FHIP1A: variants seen among roughly 807,000 people sequenced by gnomAD.
FHIP1A encodes the protein FHF complex subunit HOOK interacting protein 1A, also known as FHF complex subunit HOOK-interacting protein 1A.
A neutral mutation model predicts 88.6 loss-of-function variants in FHIP1A; 61 were observed. The ratio of observed to expected loss-of-function variants is 0.69; its 90% CI spans 0.56 to 0.85. The LOEUF is 0.85. FHIP1A is among the 40% of genes least tolerant of loss of function. The probability of loss-of-function intolerance (pLI) is 0.00; values close to 1 mark genes in which losing one functional copy is unlikely to be tolerated. For synonymous variants in FHIP1A, 478 were observed against 496.0 expected (o/e 0.96, Z 0.48); for missense variants, 1,154 against 1,273.5 (o/e 0.91, Z 1.43).
chr4:151,546,897 T>A (rs992907363), intron 3 of FHIP1A, among the ~76,000 whole-genome samples: 1 of 152,136 alleles, frequency 6.6e-6, no homozygotes, highest in Non-Finnish European at 1.5e-5. Flanking sequence ...CCTCAAGAGG[T>A]AGGGGGAGAT....
intron 2 of FHIP1A, among the ~76,000 whole-genome samples, chr4:151,471,586 A>T (rs1459363760): frequency 6.6e-6 from 1 of 152,100 alleles, no homozygotes; most frequent in Non-Finnish European, 1.5e-5. Flanking sequence ...AGTGCTCACA[A>T]TATGGTAAAC....
At chr4:151,454,362 T>C (rs546260686) in intron 1 of FHIP1A, among the ~76,000 whole-genome samples, 2 of 152,296 alleles carry the variant, frequency 1.3e-5, no homozygotes, top group East Asian at 1.9e-4. Flanking sequence ...ACTGTTCCTA[T>C]AGGTAACTTT....
chr4:151,537,077 C>T (rs1476180612), intron 3 of FHIP1A, among the ~76,000 whole-genome samples: 1 of 151,900 alleles, frequency 6.6e-6, no homozygotes, highest in Non-Finnish European at 1.5e-5. Flanking sequence ...AGAGTTTCAC[C>T]ATTTTGCCCA....
At chr4:151,548,605 A>C (rs982957735) in intron 3 of FHIP1A, among the ~76,000 whole-genome samples, 1 of 152,202 alleles carries the variant, frequency 6.6e-6, no homozygotes, top group Non-Finnish European at 1.5e-5. Flanking sequence ...GACAGTTTGC[A>C]AATGAAATGG....
chr4:151,626,180 G>T (rs1481847995), intron 7 of FHIP1A, among the ~76,000 whole-genome samples: 2 of 152,172 alleles, frequency 1.3e-5, no homozygotes, highest in Non-Finnish European at 2.9e-5. Context: ...CTTACTACAT[G>T]CAGGGCACTC....
intron 3 of FHIP1A, among the ~76,000 whole-genome samples, chr4:151,496,769 C>T (rs1171975879): frequency 7.0e-6 from 1 of 143,258 alleles, no homozygotes; most frequent in Non-Finnish European, 1.5e-5. Flanking sequence ...ACCATGTTGC[C>T]CAGGCTGGTT....
chr4:151,546,706 G>A (rs1199758619), intron 3 of FHIP1A, among the ~76,000 whole-genome samples: 2 of 152,170 alleles, frequency 1.3e-5, no homozygotes, highest in Non-Finnish European at 2.9e-5. Flanking sequence ...TACTGTGATT[G>A]GATCTGGAAA....
intron 3 of FHIP1A, among the ~76,000 whole-genome samples, chr4:151,506,693 T>C (rs1730848957): frequency 6.6e-6 from 1 of 152,148 alleles, no homozygotes; most frequent in Non-Finnish European, 1.5e-5. Flanking sequence ...ACCAAGCCCT[T>C]CATCAAGGAT....
In FHIP1A at chr4:151,476,444, T is replaced by C. The variant is rs1729709493; in HGVS notation, c.-247-6080T>C. On this transcript the variant is annotated intron_variant, in intron 2 of 13. Coordinates refer to ENST00000435205, the MANE Select transcript of FHIP1A (RefSeq NM_001109977.3). ...GATTACAGTTGTGAGCCATTGCACC[T>C]GGACCTATTATTGATTTTATAAAAA... Among the ~76,000 whole-genome samples, 6 of 152,138 alleles carry C rather than the reference T, an allele frequency of 3.9e-5. No homozygotes were observed. In the South Asian group the frequency reaches 1.2e-3, roughly 32 times the overall value.
At chr4:151,641,972 T>C (rs1399819700) in intron 9 of FHIP1A, among the ~76,000 whole-genome samples, 2 of 152,246 alleles carry the variant, frequency 1.3e-5, no homozygotes, top group Non-Finnish European at 2.9e-5. Context: ...TGACTGTATG[T>C]CAATTTTTAT....
Position 151,600,492 on chromosome 4 carries a change from T to C in FHIP1A, c.978+11566T>C, listed in dbSNP as rs563684178. Among the ~76,000 whole-genome samples, 5 of 152,318 alleles carry C rather than the reference T, an allele frequency of 3.3e-5. No individual in the cohort carries two copies. The South Asian group carries it at 6.2e-4, about 19-fold the overall frequency. The stretch of plus-strand genomic sequence containing the variant: ...TGGGTAGTGAGGGGAGCTTAGTAAG[T>C]GGACTGGTTACAACAGTGTGTTGTT... On this transcript the variant is annotated intron_variant, in intron 7 of 13. Transcript: ENST00000435205.
chr4:151,440,497 T>C (rs1000804861), intron 1 of FHIP1A, among the ~76,000 whole-genome samples: 52 of 152,310 alleles, frequency 3.4e-4, no homozygotes, highest in African/African-American at 1.2e-3. Context: ...CTATCTTTCA[T>C]GATTTTTCTT....
At chr4:151,655,947 G>GT (rs542900146) in intron 11 of FHIP1A, among the ~76,000 whole-genome samples, 22 of 150,860 alleles carry the variant, frequency 1.5e-4, no homozygotes, top group Middle Eastern at 3.4e-3. Context: ...TAAATTATTT[G>GT]TTTTTTTTTC....
intron 13 of FHIP1A, among the ~76,000 whole-genome samples, chr4:151,658,402 G>T (rs879796491): frequency 5.3e-5 from 8 of 152,184 alleles, no homozygotes; most frequent in Admixed American, 5.2e-4. Flanking sequence ...TGGGTGGCTG[G>T]ATGTCTAGGA....
chr4:151,449,170 C>T (rs1335323136), intron 1 of FHIP1A, among the ~76,000 whole-genome samples: 1 of 152,066 alleles, frequency 6.6e-6, no homozygotes, highest in Non-Finnish European at 1.5e-5. Flanking sequence ...ATAATGATTG[C>T]ATAACTAACT....
intron 2 of FHIP1A, among the ~76,000 whole-genome samples, chr4:151,468,305 A>G (rs2126611902): frequency 6.6e-6 from 1 of 151,690 alleles, no homozygotes; most frequent in East Asian, 1.9e-4. Context: ...AAAAAAAAAA[A>G]AAAGAATACA....
chr4:151,590,172 G>A (rs1026815441), intron 7 of FHIP1A, among the ~76,000 whole-genome samples: 3 of 152,130 alleles, frequency 2.0e-5, no homozygotes, highest in Non-Finnish European at 2.9e-5. Flanking sequence ...TTTCCTCTTC[G>A]GAGGAACACA....
intron 3 of FHIP1A, among the ~76,000 whole-genome samples, chr4:151,525,263 C>T (rs1731587635): frequency 6.6e-6 from 1 of 152,242 alleles, no homozygotes. Flanking sequence ...CTTTCTCTCA[C>T]TAAACTGGCT....
intron 7 of FHIP1A, among the ~76,000 whole-genome samples, chr4:151,598,779 C>T (rs1734748612): frequency 6.6e-6 from 1 of 152,112 alleles, no homozygotes; most frequent in South Asian, 2.1e-4. Context: ...TTATTCACAA[C>T]GTAAACTTCA....
Sources: allele counts gnomAD v4.1 joint callset (sites outside exome capture counted in the v4.1 genomes callset), GRCh38; gene constraint gnomAD v4.1.1; transcripts MANE v1.5; gene names NCBI Gene and HGNC (gene_info 2026-07-23, HGNC 2026-07-21).